CEP57L1: variants seen among roughly 807,000 people sequenced by gnomAD.
CEP57L1 encodes the protein centrosomal protein 57 like 1.
In CEP57L1, 37 loss-of-function variants were observed where a neutral mutation model predicts 61.0. The observed-to-expected ratio is 0.61, with a 90% CI of 0.47 to 0.80. The LOEUF (loss-of-function observed/expected upper bound fraction) is 0.80, where lower values mean the gene tolerates loss of function less well. Ranked by LOEUF, CEP57L1 falls within the 30% of genes least tolerant of loss-of-function variation. The pLI, the probability that CEP57L1 is intolerant of heterozygous loss-of-function variation, is 0.00. For missense variants in CEP57L1, 422 were observed against 524.7 expected, an observed-to-expected ratio of 0.80 and a Z score of 1.91; for synonymous variants, 137 against 162.3, an observed-to-expected ratio of 0.84 and a Z score of 1.19.
At chr6:109,113,809 C>T (rs1208729881) in intron 1 of CEP57L1, among the ~76,000 whole-genome samples, 1 of 152,052 alleles carries the variant, frequency 6.6e-6, no homozygotes, top group Non-Finnish European at 1.5e-5. Context: ...TATTAAATGA[C>T]TGCCATGTTA....
At chr6:109,122,958 T>A (rs570547251) in intron 1 of CEP57L1, among the ~76,000 whole-genome samples, 2 of 152,130 alleles carry the variant, frequency 1.3e-5, no homozygotes, top group Non-Finnish European at 2.9e-5. Context: ...ATCTTCAAAC[T>A]TTAATTTATA....
chr6:109,142,112 C>T (rs1771445266), intron 1 of CEP57L1, among the ~76,000 whole-genome samples: 2 of 152,126 alleles, frequency 1.3e-5, no homozygotes, highest in African/African-American at 2.4e-5. Context: ...TTCTTAGTTG[C>T]AGCCAATTGG....
intron 1 of CEP57L1, among the ~76,000 whole-genome samples, chr6:109,133,778 A>ATCAGAG (rs1774477456): frequency 6.6e-6 from 1 of 152,218 alleles, no homozygotes; most frequent in South Asian, 2.1e-4. Flanking sequence ...AGAATACTAT[A>ATCAGAG]AACACCTCTA....
chr6:109,133,358 A>G (rs576435239), intron 1 of CEP57L1, among the ~76,000 whole-genome samples: 233 of 152,256 alleles, frequency 1.5e-3, no homozygotes, highest in African/African-American at 5.3e-3. Context: ...CGCAGTTCAC[A>G]ATAGGGTTTG....
intron 1 of CEP57L1, among the ~76,000 whole-genome samples, chr6:109,104,689 C>G (rs766929871): frequency 6.6e-6 from 1 of 152,080 alleles, no homozygotes; most frequent in Non-Finnish European, 1.5e-5. Flanking sequence ...CTCAAACGAT[C>G]CTCCCACCTC....
At chr6:109,158,531 T>C (rs1256211394) in intron 7 of CEP57L1, 1 of 415,016 alleles carries the variant, frequency 2.4e-6, no homozygotes, top group Non-Finnish European at 4.7e-6. Context: ...TTTTTAGCTA[T>C]TACAAATAAA....
At position 109,166,633 on chromosome 6, in the gene CEP57L1, T is replaced by A. The variant is rs1185198191; in HGVS notation, c.*3663T>A. 6.6e-6 allele frequency among the ~76,000 whole-genome samples: 1 copy of A among 152,216 alleles called. No homozygotes were observed. Among genetic ancestry groups the A allele is most frequent in the Non-Finnish European group, 1.5e-5 (1 of 68,024 alleles). On this transcript the variant is annotated 3_prime_UTR_variant, in exon 11 of 11. Coordinates refer to ENST00000517392, the MANE Select transcript of CEP57L1 (RefSeq NM_001271852.3). ...CCTGACCTCAGGTGATCCGCCCACC[T>A]CAGCCTCCCAAAGTGCTGGGATTAC... is the stretch of plus-strand genomic sequence containing the variant.
In CEP57L1 at chr6:109,172,494, G is replaced by C. The variant is rs964414293; in HGVS notation, c.*9524G>C. 1.3e-5 allele frequency among the ~76,000 whole-genome samples: 2 copies of C among 152,200 alleles called. No individual in the cohort carries two copies. The highest frequency in any genetic ancestry group is 4.8e-5 in the African/African-American group (2 of 41,456). The stretch of plus-strand genomic sequence containing the variant: ...GGCAGGATAGTCCAAGGACTTAGAG[G>C]TTATCTTGAATCTGGACACAGGACA... On this transcript the variant is annotated 3_prime_UTR_variant, in exon 11 of 11. Transcript: ENST00000517392.
Position 109,168,920 on chromosome 6 carries a change from A to G in CEP57L1, c.*5950A>G, listed in dbSNP as rs1374726547. Among the ~76,000 whole-genome samples, 1 of 150,750 alleles carries G rather than the reference A, an allele frequency of 6.6e-6. No homozygotes were observed. Among genetic ancestry groups the G allele is most frequent in the African/African-American group, 2.4e-5 (1 of 41,018 alleles). ...CAGCATTTTTTAAATGATATAAAAT[A>G]GTATTGAAAATATCAGAATGTGGCC... On this transcript the variant is annotated 3_prime_UTR_variant, in exon 11 of 11. Transcript: ENST00000517392.
chr6:109,162,971 C>CA lies in CEP57L1; in HGVS notation c.*5dup, dbSNP rs769717196. On this transcript the variant is annotated 3_prime_UTR_variant, in exon 11 of 11. Coordinates refer to ENST00000517392, the MANE Select transcript of CEP57L1 (RefSeq NM_001271852.3). ...AGATGATATCATGTGGGAACAGTAA[C>CA]AAAACAGCAAAACTGTCACCTTAAT... is the stretch of plus-strand genomic sequence containing the variant. 6.3e-7 allele frequency: 1 copy of CA among 1,581,418 alleles called. No individual in the cohort carries two copies. The highest frequency in any genetic ancestry group is 8.7e-7 in the Non-Finnish European group (1 of 1,152,502).
At chr6:109,106,057 A>G (rs1204677629) in intron 1 of CEP57L1, 1 of 152,342 alleles carries the variant, frequency 6.6e-6, no homozygotes, top group Non-Finnish European at 1.5e-5. Flanking sequence ...AGTTGCAAAA[A>G]CAAGCTCAGG....
intron 1 of CEP57L1, among the ~76,000 whole-genome samples, chr6:109,115,939 T>A (rs2114663320): frequency 6.6e-6 from 1 of 152,278 alleles, no homozygotes; most frequent in East Asian, 1.9e-4. Flanking sequence ...ATATGAAGAA[T>A]ATACTATATA....
At chr6:109,120,920 A>G (rs762690196) in intron 1 of CEP57L1, among the ~76,000 whole-genome samples, 1,249 of 66,488 alleles carry the variant, frequency 0.019, 20 homozygotes, top group African/African-American at 0.047. Context: ...ACGCACACAC[A>G]CACACACACA....
chr6:109,116,473 G>A (rs1403529015), intron 1 of CEP57L1, among the ~76,000 whole-genome samples: 1 of 152,100 alleles, frequency 6.6e-6, no homozygotes, highest in Non-Finnish European at 1.5e-5. Context: ...ACGGCGCCCA[G>A]CTCCCATAAG....
chr6:109,136,076 A>G (rs1353220383), intron 1 of CEP57L1, among the ~76,000 whole-genome samples: 2 of 152,244 alleles, frequency 1.3e-5, no homozygotes, highest in African/African-American at 2.4e-5. Flanking sequence ...TATATACCCA[A>G]AGGATTATAA....
At chr6:109,134,803 C>G (rs1376267122) in intron 1 of CEP57L1, among the ~76,000 whole-genome samples, 3 of 152,022 alleles carry the variant, frequency 2.0e-5, no homozygotes, top group African/African-American at 7.2e-5. Context: ...TGAGTGAACT[C>G]CCATTCACAA....
chr6:109,153,624 T>C (rs1772897561), intron 4 of CEP57L1, among the ~76,000 whole-genome samples: 1 of 152,170 alleles, frequency 6.6e-6, no homozygotes, highest in African/African-American at 2.4e-5. Context: ...TTAAAAATTA[T>C]GACTTTAAGG....
In CEP57L1 at chr6:109,162,368, A is replaced by G. The variant is rs1773792483; in HGVS notation, c.1162-381A>G. ...GTTCTCTAGTTTTTACCAGTTTAATATCTTATATACAACCTTTCCCTCAAT... is the reference window on the plus strand; with the variant it reads ...GTTCTCTAGTTTTTACCAGTTTAATGTCTTATATACAACCTTTCCCTCAAT... On this transcript the variant is annotated intron_variant, in intron 10 of 10. Coordinates refer to ENST00000517392, the MANE Select transcript of CEP57L1 (RefSeq NM_001271852.3). Among the ~76,000 whole-genome samples the G allele has an allele frequency of 3.3e-5, 5 of 151,928 alleles. No individual in the cohort carries two copies. In the South Asian group the frequency reaches 1.0e-3, roughly 31 times the overall value.
rs1771824964 is a variant in CEP57L1, at chr6:109,145,205, T to C, written c.-3-14T>C. The C allele has an allele frequency of 7.3e-7, 1 of 1,364,776 alleles. No homozygotes were observed. Among genetic ancestry groups the C allele is most frequent in the Non-Finnish European group, 1.0e-6 (1 of 992,358 alleles). The allele number at this position is 1,364,776 out of a possible 1,614,324, so 84.5% of individuals were successfully genotyped here. On this transcript the variant is annotated splice_polypyrimidine_tract_variant and intron_variant, in intron 1 of 10. Coordinates refer to ENST00000517392, the MANE Select transcript of CEP57L1 (RefSeq NM_001271852.3). ...GGAAAGCATGATACTATATCATTCC[T>C]TTATTCTCTACAGATAATGGATTCT... is the stretch of plus-strand genomic sequence containing the variant.
Sources: gnomAD v4.1 joint callset for allele counts (sites outside exome capture counted in the v4.1 genomes callset) on GRCh38, gnomAD v4.1.1 for gene constraint, MANE v1.5 for transcripts, NCBI Gene and HGNC (gene_info 2026-07-23, HGNC 2026-07-21) for gene names.